Variants in GALC observed in about 807,000 individuals in gnomAD.
GALC encodes galactosylceramidase.
Under a neutral mutation model 91.8 loss-of-function variants are expected in GALC, and 77 were observed. That is an observed-to-expected ratio of 0.84 (90% CI 0.70 to 1.01). The LOEUF (loss-of-function observed/expected upper bound fraction) is 1.01. GALC is among the 50% of genes least tolerant of loss of function. GALC has a pLI of 0.00. For missense variants in GALC, 882 were observed against 855.9 expected (o/e 1.03, Z -0.38); for synonymous variants, 357 against 306.7 (o/e 1.16, Z -1.71).
chr14:87,984,311 CA>C, intron 5 of GALC, 82 bp downstream of exon 5: 1 of 1,412,684 alleles, frequency 7.1e-7, no homozygotes, highest in Non-Finnish European at 9.7e-7. Context: ...AATGGTTAGT[CA>C]AAAAGTACCA....
At chr14:87,954,880 T>C (rs1885457872) in intron 10 of GALC, 3 of 1,596,704 alleles carry the variant, frequency 1.9e-6, no homozygotes, top group South Asian at 1.1e-5. Context: ...GAAGAAAATA[T>C]ACTATAGGCC....
At chr14:87,946,607 G>T (rs1334683369) in intron 13 of GALC, among the ~76,000 whole-genome samples, 1 of 22,802 alleles carries the variant, frequency 4.4e-5, no homozygotes, top group Non-Finnish European at 1.5e-4. Flanking sequence ...CAAAATATTG[G>T]TCTTGGTGCT....
chr14:87,935,500 G>A (rs1460643436), intron 16 of GALC, among the ~76,000 whole-genome samples: 1 of 152,096 alleles, frequency 6.6e-6, no homozygotes, highest in East Asian at 1.9e-4. Context: ...GCGGGTGGAA[G>A]AAGGGAGGCA....
intron 1 of GALC, among the ~76,000 whole-genome samples, chr14:87,989,343 T>C (rs1210230307): frequency 6.6e-6 from 1 of 152,146 alleles, no homozygotes; most frequent in Non-Finnish European, 1.5e-5. Flanking sequence ...TATATTCTCA[T>C]ATATGCTACC....
At chr14:87,979,316 T>G (rs1343817047) in intron 6 of GALC, among the ~76,000 whole-genome samples, 2 of 152,200 alleles carry the variant, frequency 1.3e-5, no homozygotes, top group African/African-American at 4.8e-5. Context: ...CACGAGCCAC[T>G]GAGCCTGGCC....
chr14:87,954,843 A>C lies in GALC; in HGVS notation c.1162-4095T>G, dbSNP rs1885455890. The C allele has an allele frequency of 1.9e-6, 3 of 1,606,370 alleles. No individual in the cohort carries two copies. The African/African-American group carries it at 4.0e-5, about 22-fold the overall frequency. Reference sequence around the variant, plus strand: ...CAGATAAGAACAGGATCTACAAACAATGTTTTAGCTGCTTGCCATTTACTA... The same window carrying C: ...CAGATAAGAACAGGATCTACAAACACTGTTTTAGCTGCTTGCCATTTACTA... On this transcript the variant is annotated intron_variant, in intron 10 of 16. Transcript: ENST00000261304.
At chr14:87,951,448 G>C (rs1029879848) in intron 10 of GALC, among the ~76,000 whole-genome samples, 4 of 151,886 alleles carry the variant, frequency 2.6e-5, no homozygotes, top group African/African-American at 9.6e-5. Context: ...CAACTAGATG[G>C]ACAATCAGCA....
At position 87,933,900 on chromosome 14, in the gene GALC, A is replaced by C; in HGVS notation, c.*832T>G. 1.8e-6 allele frequency: 2 copies of C among 1,137,712 alleles called. No homozygotes were observed. The highest frequency in any genetic ancestry group is 2.5e-6 in the Non-Finnish European group (2 of 785,340). The allele number at this position is 1,137,712 out of a possible 1,614,324, so 70.5% of individuals were successfully genotyped here. A position where few individuals can be genotyped will look rare whatever the true frequency, so the allele number is the denominator to read the frequency against. Reference sequence around the variant, plus strand: ...TCATCAGCTGTGTGAGTCTGTTACCAGTGCACATGTGAGGACAGACCACAG... The same window carrying C: ...TCATCAGCTGTGTGAGTCTGTTACCCGTGCACATGTGAGGACAGACCACAG... On this transcript the variant is annotated 3_prime_UTR_variant, in exon 17 of 17. Transcript: ENST00000261304.
In GALC at chr14:87,965,698, G is replaced by A. The variant is rs1444239088; in HGVS notation, c.909-69C>T. 17 of 1,504,850 alleles carry A rather than the reference G, an allele frequency of 1.1e-5. No individual in the cohort carries two copies. In the Admixed American group the frequency reaches 2.7e-4, roughly 24 times the overall value. 93.2% of individuals were successfully genotyped at this position (1,504,850 alleles called of 1,614,324 possible). A position where few individuals can be genotyped will look rare whatever the true frequency, so the allele number is the denominator to read the frequency against. On this transcript the variant is annotated intron_variant, in intron 8 of 16. Coordinates refer to ENST00000261304, the MANE Select transcript of GALC (RefSeq NM_000153.4). ...AAAAATGTAAATGTCTAAAAACCTG[G>A]AGTAAAAAGACTTTATCATAGTAAT...
Position 87,982,210 on chromosome 14 carries a change from T to C in GALC, c.616A>G (p.Ile206Val), listed in dbSNP as rs764704902. 2.6e-6 allele frequency: 4 copies of C among 1,560,934 alleles called. No individual in the cohort carries two copies. The East Asian group carries it at 9.0e-5, about 35-fold the overall frequency. Residue 206 changes from isoleucine to valine, a missense_variant, in exon 6 of 17, where the codon ATT becomes GTT. Transcript: ENST00000261304. ...GATACTAAAGTTGTACACACCTTAA[T>C]ATAATTGGCATTATATGACCTCTCA... ...WNERSYNANYIKILRKMLNYQ... is the reference protein window; with the variant it reads ...WNERSYNANYVKILRKMLNYQ...
At chr14:87,986,370 T>C (rs761314737) in intron 4 of GALC, 119 bp downstream of exon 4, 9 of 719,976 alleles carry the variant, frequency 1.3e-5, no homozygotes, top group East Asian at 2.7e-5. Flanking sequence ...GGTAGCATAC[T>C]GGTAGCATTA....
chr14:87,948,330 G>C (rs1885160316), intron 12 of GALC, among the ~76,000 whole-genome samples: 1 of 151,950 alleles, frequency 6.6e-6, no homozygotes, highest in South Asian at 2.1e-4. Context: ...GAAAAATCCT[G>C]CTCATTTTAT....
chr14:87,973,326 G>C (rs935705345), intron 7 of GALC, among the ~76,000 whole-genome samples: 1 of 152,106 alleles, frequency 6.6e-6, no homozygotes, highest in Non-Finnish European at 1.5e-5. Flanking sequence ...ACTTGAAGGT[G>C]AGCATTTAAT....
At position 87,992,319 on chromosome 14, in the gene GALC, C is replaced by T. The variant is rs552951348; in HGVS notation, c.195+651G>A. ...ACCTTCTCACCCAAAGGTCGGCCAC[C>T]ATGAAGCCCATGGGCCCAGAGGGAG... On this transcript the variant is annotated intron_variant, in intron 1 of 16. Coordinates refer to ENST00000261304, the MANE Select transcript of GALC (RefSeq NM_000153.4). The T allele has an allele frequency of 1.3e-4, 192 of 1,535,700 alleles. 1 individual carries two copies. The African/African-American group carries it at 2.2e-3, about 18-fold the overall frequency.
In GALC at chr14:87,954,705, C is replaced by G. The variant is rs534110538; in HGVS notation, c.1162-3957G>C. ...ATTTCAGAGCTGTCATTTCCTATTA[C>G]GGCAGCTCAGAAGATAGCTCTAAAT... On this transcript the variant is annotated intron_variant, in intron 10 of 16. Coordinates refer to ENST00000261304, the MANE Select transcript of GALC (RefSeq NM_000153.4). The G allele has an allele frequency of 4.5e-6, 7 of 1,548,706 alleles. No homozygotes were observed. The African/African-American group carries it at 8.2e-5, about 18-fold the overall frequency.
chr14:87,949,361 T>TA (rs1216218697), intron 12 of GALC, among the ~76,000 whole-genome samples: 1 of 152,014 alleles, frequency 6.6e-6, no homozygotes, highest in Non-Finnish European at 1.5e-5. Context: ...TGTTAACTTC[T>TA]AAGAAAATAA....
chr14:87,984,661 A>G (rs904712401), intron 4 of GALC, 128 bp from the exon 5 acceptor site: 14 of 863,772 alleles, frequency 1.6e-5, no homozygotes, highest in Non-Finnish European at 2.6e-5. Flanking sequence ...TGACTAAAGG[A>G]AAGTTTATAT....
intron 14 of GALC, 67 bp downstream of exon 14, chr14:87,945,486 T>A: frequency 8.2e-7 from 1 of 1,213,778 alleles, no homozygotes; most frequent in Non-Finnish European, 1.2e-6. Context: ...ACTCTTCACT[T>A]CAAAATGTAC....
chr14:87,935,312 A>G (rs768760230), intron 16 of GALC, among the ~76,000 whole-genome samples: 2 of 152,226 alleles, frequency 1.3e-5, no homozygotes, highest in Non-Finnish European at 1.5e-5. Context: ...CTTCTACCTC[A>G]TTGCTTCCTT....
Sources: allele counts gnomAD v4.1 joint callset (sites outside exome capture counted in the v4.1 genomes callset), GRCh38; gene constraint gnomAD v4.1.1; transcripts MANE v1.5; gene names NCBI Gene and HGNC (gene_info 2026-07-23, HGNC 2026-07-21).